ZNRF3: variants seen among roughly 807,000 people sequenced by gnomAD.
The protein encoded by ZNRF3 is E3 ubiquitin-protein ligase ZNRF3.
ZNRF3 carries 23 observed loss-of-function variants against 72.5 expected under a neutral mutation model. The observed-to-expected ratio is 0.32, with a 90% CI of 0.23 to 0.45. The LOEUF (loss-of-function observed/expected upper bound fraction) is 0.45. Ranked by LOEUF, ZNRF3 falls within the 20% of genes least tolerant of loss-of-function variation. The probability of loss-of-function intolerance (pLI) is 1.00; values close to 1 mark genes in which losing one functional copy is unlikely to be tolerated. For missense variants in ZNRF3, 1,169 were observed against 1,272.1 expected, an observed-to-expected ratio of 0.92 and a Z score of 1.23; for synonymous variants, 610 against 545.3, an observed-to-expected ratio of 1.12 and a Z score of -1.65.
intron 1 of ZNRF3, among the ~76,000 whole-genome samples, chr22:28,966,209 T>G (rs2035455935): frequency 6.6e-6 from 1 of 152,164 alleles, no homozygotes; most frequent in African/African-American, 2.4e-5. Context: ...GGAAAAACAT[T>G]AAAAATGAAA....
At chr22:28,981,946 G>T (rs978010249) in intron 1 of ZNRF3, among the ~76,000 whole-genome samples, 1 of 152,092 alleles carries the variant, frequency 6.6e-6, no homozygotes, top group Non-Finnish European at 1.5e-5. Context: ...GCAGTGAGCC[G>T]AGATCGCGCC....
At chr22:28,976,564 A>G (rs1048554169) in intron 1 of ZNRF3, among the ~76,000 whole-genome samples, 29 of 152,192 alleles carry the variant, frequency 1.9e-4, no homozygotes, top group Admixed American at 1.4e-3. Context: ...TTCTAGTTTC[A>G]GTTCAGCATC....
At chr22:28,930,072 A>G (rs902535093) in intron 1 of ZNRF3, among the ~76,000 whole-genome samples, 15 of 152,240 alleles carry the variant, frequency 9.9e-5, no homozygotes, top group Non-Finnish European at 1.8e-4. Flanking sequence ...AAACACTTGT[A>G]AAGCTATCAG....
In ZNRF3 at chr22:29,050,540, G is replaced by T; in HGVS notation, c.2359G>T (p.Val787Leu). 6.2e-7 allele frequency: 1 copy of T among 1,611,106 alleles called. No individual in the cohort carries two copies. Among genetic ancestry groups the T allele is most frequent in the East Asian group, 2.2e-5 (1 of 44,794 alleles). ...CTGCTGCTTCTATGAAGAGAAGCAG[G>T]TGGCCCGCGGGGGCGGAGGGGGCAG... ...LPCCFYEEKQ[V>L]ARGGGGGSGC... Residue 787 changes from valine (V) to leucine (L), a missense_variant, in exon 8 of 9, where the codon GTG (valine) becomes TTG (leucine). Val to Leu is a conservative substitution (Grantham distance 32). Transcript: ENST00000544604.
chr22:28,992,461 C>T (rs2035973529), intron 2 of ZNRF3, among the ~76,000 whole-genome samples: 3 of 152,072 alleles, frequency 2.0e-5, no homozygotes, highest in African/African-American at 4.8e-5. Flanking sequence ...TATTCTCTCA[C>T]TCCCCATTTG....
chr22:29,053,532 T>G (rs1417121451), intron 8 of ZNRF3, 47 bp from the exon 9 acceptor site: 11 of 1,599,178 alleles, frequency 6.9e-6, no homozygotes, highest in Non-Finnish European at 9.4e-6. Flanking sequence ...TGGTCCCATG[T>G]GTGGTGCCAG....
intron 1 of ZNRF3, among the ~76,000 whole-genome samples, chr22:28,889,255 G>T (rs773715560): frequency 6.6e-6 from 1 of 152,174 alleles, no homozygotes; most frequent in Non-Finnish European, 1.5e-5. Flanking sequence ...TAACCTGAGG[G>T]TCACAGACTT....
intron 1 of ZNRF3, among the ~76,000 whole-genome samples, chr22:28,973,665 C>T (rs1255308485): frequency 6.6e-6 from 1 of 152,152 alleles, no homozygotes; most frequent in Admixed American, 6.6e-5. Flanking sequence ...GCTCTTAACA[C>T]TGTGTTGAGA....
At chr22:29,029,302 A>G (rs971215435) in intron 2 of ZNRF3, among the ~76,000 whole-genome samples, 22 of 152,378 alleles carry the variant, frequency 1.4e-4, no homozygotes, top group Middle Eastern at 3.4e-3. Context: ...GAATGTTAGA[A>G]GCAAGCAAAA....
chr22:28,922,387 G>C (rs1041542419), intron 1 of ZNRF3, among the ~76,000 whole-genome samples: 1 of 152,086 alleles, frequency 6.6e-6, no homozygotes, highest in Non-Finnish European at 1.5e-5. Context: ...AAAATTTGCT[G>C]TTGTTGCTAT....
chr22:29,027,372 C>G (rs925542262), intron 2 of ZNRF3, among the ~76,000 whole-genome samples: 2 of 152,134 alleles, frequency 1.3e-5, no homozygotes, highest in Non-Finnish European at 2.9e-5. Flanking sequence ...CCTCAGCCTC[C>G]CGAGTAGTTG....
At chr22:28,937,025 G>A (rs540266727) in intron 1 of ZNRF3, among the ~76,000 whole-genome samples, 1 of 151,876 alleles carries the variant, frequency 6.6e-6, no homozygotes, top group South Asian at 2.1e-4. Context: ...ACAGGTTTAG[G>A]ATTCTTTTTA....
chr22:28,913,516 A>G (rs568766703), intron 1 of ZNRF3, among the ~76,000 whole-genome samples: 1 of 152,318 alleles, frequency 6.6e-6, no homozygotes, highest in East Asian at 1.9e-4. Context: ...GTTAACTACC[A>G]GCTTTCCACA....
intron 1 of ZNRF3, among the ~76,000 whole-genome samples, chr22:28,974,019 G>A (rs1345412287): frequency 2.1e-5 from 3 of 145,996 alleles, no homozygotes; most frequent in African/African-American, 5.0e-5. Flanking sequence ...GTACAGTGGC[G>A]CGATCTCGGC....
In ZNRF3 at chr22:29,050,520, G is replaced by A. The variant is rs1390552845; in HGVS notation, c.2339G>A (p.Cys780Tyr). 1.9e-6 allele frequency: 3 copies of A among 1,612,280 alleles called. No individual in the cohort carries two copies. Among genetic ancestry groups the A allele is most frequent in the Non-Finnish European group, 1.7e-6 (2 of 1,179,626 alleles). Reference sequence around the variant, plus strand: ...GTGAAATACGAGGGTCTGCCCTGCTGCTTCTATGAAGAGAAGCAGGTGGCC... The same window carrying A: ...GTGAAATACGAGGGTCTGCCCTGCTACTTCTATGAAGAGAAGCAGGTGGCC... ...DGVKYEGLPC[C>Y]FYEEKQVARG... The change falls in exon 8 of 9, where the codon TGC (cysteine) becomes TAC (tyrosine). Residue 780 changes from cysteine (C) to tyrosine (Y), a missense_variant. This residue lies in a region of ZNRF3 where 783 missense variants were observed against 731.4 expected (regional missense o/e 1.07). Transcript: ENST00000544604.
At chr22:29,015,985 C>T (rs1442933594) in intron 2 of ZNRF3, among the ~76,000 whole-genome samples, 1 of 138,358 alleles carries the variant, frequency 7.2e-6, no homozygotes, top group Admixed American at 8.2e-5. Context: ...CATTGCACTC[C>T]AGCCTGGGCA....
intron 2 of ZNRF3, among the ~76,000 whole-genome samples, chr22:28,992,383 G>A (rs2035972381): frequency 6.6e-6 from 1 of 151,946 alleles, no homozygotes; most frequent in Non-Finnish European, 1.5e-5. Flanking sequence ...CCCTTCCACA[G>A]CACCTGACTC....
At chr22:28,981,112 G>A (rs1262065358) in intron 1 of ZNRF3, among the ~76,000 whole-genome samples, 2 of 152,148 alleles carry the variant, frequency 1.3e-5, no homozygotes, top group Admixed American at 6.5e-5. Flanking sequence ...ATGATTAGGC[G>A]TTCAGAACCA....
intron 1 of ZNRF3, among the ~76,000 whole-genome samples, chr22:28,916,570 T>C (rs2034410920): frequency 6.6e-6 from 1 of 152,220 alleles, no homozygotes; most frequent in African/African-American, 2.4e-5. Flanking sequence ...TCATATGTTT[T>C]GTTCTTTGCA....
Sources: gnomAD v4.1 joint callset for allele counts (sites outside exome capture counted in the v4.1 genomes callset) on GRCh38, gnomAD v4.1.1 for gene constraint, gnomAD v4.1.1 regional missense constraint, MANE v1.5 for transcripts, NCBI Gene and HGNC (gene_info 2026-07-23, HGNC 2026-07-21) for gene names.